Variants in SLC27A6 observed in about 807,000 individuals in gnomAD.
SLC27A6 encodes the protein long-chain fatty acid transport protein 6.
Under a neutral mutation model 63.9 loss-of-function variants are expected in SLC27A6, and 74 were observed. The observed-to-expected ratio is 1.16, with a 90% CI of 0.96 to 1.40. The LOEUF (loss-of-function observed/expected upper bound fraction) is 1.40. SLC27A6 is among the 40% of genes most tolerant of loss of function. The pLI, the probability that SLC27A6 is intolerant of heterozygous loss-of-function variation, is 0.00. For missense variants in SLC27A6, 794 were observed against 732.9 expected (o/e 1.08, Z -0.96); for synonymous variants, 287 against 260.8 (o/e 1.10, Z -0.97).
chr5:128,985,421 T>G (rs1440070501), intron 2 of SLC27A6, 85 bp downstream of exon 2: 10 of 1,064,282 alleles, frequency 9.4e-6, no homozygotes, highest in Non-Finnish European at 1.4e-5. Flanking sequence ...CCATGTGTAG[T>G]GACCAACCAT....
At position 129,029,480 on chromosome 5, in the gene SLC27A6, A is replaced by AT. The variant is rs551715570; in HGVS notation, c.1553-94dup. 346 of 763,108 alleles carry AT rather than the reference A, an allele frequency of 4.5e-4. No homozygotes were observed. The South Asian group carries it at 6.2e-3, about 14-fold the overall frequency. 47.3% of individuals were successfully genotyped at this position (763,108 alleles called of 1,614,324 possible). On this transcript the variant is annotated intron_variant, in intron 8 of 9. Transcript: ENST00000262462. The stretch of plus-strand genomic sequence containing the variant: ...TGTTGTCTTATTATTACTGAAATAG[A>AT]TTTAATGTCTCCATGTGTGCCAATT...
chr5:128,977,368 G>A lies in SLC27A6; in HGVS notation c.482-7765G>A, dbSNP rs570222422. ...GCAAAGAGAGCTTTATGATTGGAGGGAGTCACTGTAAAGACACATAGAGCA... is the reference window on the plus strand; with the variant it reads ...GCAAAGAGAGCTTTATGATTGGAGGAAGTCACTGTAAAGACACATAGAGCA... On this transcript the variant is annotated intron_variant, in intron 1 of 9. Transcript: ENST00000262462. 9.9e-5 allele frequency among the ~76,000 whole-genome samples: 15 copies of A among 152,226 alleles called. No homozygotes were observed. In the South Asian group the frequency reaches 1.5e-3, roughly 15 times the overall value.
At chr5:128,997,451 A>G (rs1175809349) in intron 4 of SLC27A6, among the ~76,000 whole-genome samples, 8 of 152,212 alleles carry the variant, frequency 5.3e-5, no homozygotes, top group Admixed American at 6.5e-5. Flanking sequence ...AACTCTTTTC[A>G]GCTTAGAAAC....
At chr5:129,017,798 CAAG>C (rs1268644391) in intron 5 of SLC27A6, among the ~76,000 whole-genome samples, 1 of 152,078 alleles carries the variant, frequency 6.6e-6, no homozygotes, top group Non-Finnish European at 1.5e-5. Flanking sequence ...AGTATTGACT[CAAG>C]AATTATTTTA....
intron 1 of SLC27A6, among the ~76,000 whole-genome samples, chr5:128,984,181 G>A (rs890876650): frequency 1.3e-5 from 2 of 152,160 alleles, no homozygotes; most frequent in Non-Finnish European, 2.9e-5. Context: ...ATAAATAATT[G>A]TATGCCTGTC....
intron 1 of SLC27A6, among the ~76,000 whole-genome samples, chr5:128,975,944 T>C (rs1472673185): frequency 6.6e-6 from 1 of 152,134 alleles, no homozygotes; most frequent in Non-Finnish European, 1.5e-5. Context: ...CTTTTCTAGC[T>C]ACTGAACCAT....
intron 4 of SLC27A6, among the ~76,000 whole-genome samples, chr5:128,991,473 A>C (rs1750980758): frequency 6.6e-6 from 1 of 152,278 alleles, no homozygotes; most frequent in Admixed American, 6.5e-5. Flanking sequence ...CTGTAGCAGG[A>C]TAGGACTGAC....
intron 4 of SLC27A6, among the ~76,000 whole-genome samples, chr5:129,003,083 T>C (rs1361062105): frequency 1.3e-5 from 2 of 152,198 alleles, no homozygotes; most frequent in African/African-American, 4.8e-5. Context: ...TCTGTATGTC[T>C]AGTTTGTGTC....
intron 3 of SLC27A6, 92 bp from the exon 4 acceptor site, chr5:128,990,248 C>A: frequency 7.8e-7 from 1 of 1,274,412 alleles, no homozygotes; most frequent in Non-Finnish European, 1.1e-6. Flanking sequence ...AATGAGCAAA[C>A]ATGTTCTAGA....
rs1406635454 is a variant in SLC27A6, at chr5:128,966,455, C to G, written c.318C>G (p.Asp106Glu). Residue 106 changes from aspartate to glutamate, a missense_variant, in exon 1 of 10, where the codon GAC becomes GAG. Physicochemically the swap from Asp to Glu is conservative, Grantham distance 45. Coordinates refer to ENST00000262462, the MANE Select transcript of SLC27A6 (RefSeq NM_001017372.3). ...ACCATTCCTCTCTGAAAAAGGGGGACACGGTGGCTCTGCTGATGAGCAATG... is the reference window on the plus strand; with the variant it reads ...ACCATTCCTCTCTGAAAAAGGGGGAGACGGTGGCTCTGCTGATGAGCAATG... ...FLNHSSLKKG[D>E]TVALLMSNEP... is the part of the protein sequence containing the mutation. 6.2e-7 allele frequency: 1 copy of G among 1,607,380 alleles called. No individual in the cohort carries two copies. Among genetic ancestry groups the G allele is most frequent in the Non-Finnish European group, 8.5e-7 (1 of 1,177,048 alleles).
At chr5:128,986,742 AC>A (rs1750799570) in intron 2 of SLC27A6, among the ~76,000 whole-genome samples, 1 of 152,216 alleles carries the variant, frequency 6.6e-6, no homozygotes, top group African/African-American at 2.4e-5. Context: ...GAACAGATAC[AC>A]AGTCCCTTAG....
At chr5:129,017,392 A>G (rs1580741474) in intron 5 of SLC27A6, among the ~76,000 whole-genome samples, 1 of 152,160 alleles carries the variant, frequency 6.6e-6, no homozygotes, top group African/African-American at 2.4e-5. Context: ...GAGCTAAATC[A>G]TAAAGAAAAT....
intron 2 of SLC27A6, 109 bp from the exon 3 acceptor site, chr5:128,988,491 C>T: frequency 1.3e-6 from 1 of 786,360 alleles, no homozygotes; most frequent in South Asian, 2.1e-5. Context: ...TAGTTGTTAT[C>T]AGTATCATCT....
chr5:129,008,018 A>G (rs1375402497), intron 4 of SLC27A6, among the ~76,000 whole-genome samples: 1 of 152,050 alleles, frequency 6.6e-6, no homozygotes, highest in Non-Finnish European at 1.5e-5. Flanking sequence ...TTTAATGTAT[A>G]TATAGATATG....
At chr5:129,024,510 A>ATAC (rs1456394621) in intron 6 of SLC27A6, among the ~76,000 whole-genome samples, 1 of 152,002 alleles carries the variant, frequency 6.6e-6, no homozygotes, top group Non-Finnish European at 1.5e-5. Context: ...ATTAAATGGG[A>ATAC]TGTATATATA....
chr5:129,023,840 C>T, intron 6 of SLC27A6, 130 bp downstream of exon 6: 2 of 647,810 alleles, frequency 3.1e-6, no homozygotes, highest in Non-Finnish European at 5.4e-6. Flanking sequence ...GATGTTTGCT[C>T]CTTATATAAA....
At chr5:129,003,654 T>C (rs937910576) in intron 4 of SLC27A6, among the ~76,000 whole-genome samples, 2 of 151,934 alleles carry the variant, frequency 1.3e-5, no homozygotes, top group East Asian at 3.9e-4. Context: ...CTGGGCAATA[T>C]AGTGAGGCCC....
chr5:128,980,372 T>C (rs1310535878), intron 1 of SLC27A6, among the ~76,000 whole-genome samples: 1 of 152,242 alleles, frequency 6.6e-6, no homozygotes, highest in Non-Finnish European at 1.5e-5. Flanking sequence ...ATGAAGTGAC[T>C]TGTCCAAGGT....
chr5:129,027,096 A>T, intron 6 of SLC27A6, 37 bp from the exon 7 acceptor site: 2 of 1,547,634 alleles, frequency 1.3e-6, no homozygotes, highest in Non-Finnish European at 1.8e-6. Context: ...CAATAGTTTT[A>T]ATCAGATGGC....
Sources: allele counts gnomAD v4.1 joint callset (sites outside exome capture counted in the v4.1 genomes callset), GRCh38; gene constraint gnomAD v4.1.1; transcripts MANE v1.5; gene names NCBI Gene and HGNC (gene_info 2026-07-23, HGNC 2026-07-21).